The following TM6SF2 variants were observed in gnomAD, a reference collection of about 807,000 sequenced individuals.
TM6SF2 encodes transmembrane 6 superfamily member 2.
In TM6SF2, 29 loss-of-function variants were observed where a neutral mutation model predicts 41.0. That is an observed-to-expected ratio of 0.71 (90% CI 0.53 to 0.96). The LOEUF is 0.96. TM6SF2 is among the 50% of genes least tolerant of loss of function. TM6SF2 has a pLI of 0.00. For missense variants in TM6SF2, 475 were observed against 499.0 expected, an observed-to-expected ratio of 0.95 and a Z score of 0.46; for synonymous variants, 200 against 209.1, an observed-to-expected ratio of 0.96 and a Z score of 0.37.
At chr19:19,270,131 C>A in intron 4 of TM6SF2, 42 bp downstream of exon 4, 1 of 1,611,780 alleles carries the variant, frequency 6.2e-7, no homozygotes, top group South Asian at 1.1e-5. Context: ...GATGCAACTT[C>A]TCTCCCAGGG....
At chr19:19,271,767 G>A (rs1341009806) in intron 1 of TM6SF2, among the ~76,000 whole-genome samples, 1 of 152,124 alleles carries the variant, frequency 6.6e-6, no homozygotes, top group Non-Finnish European at 1.5e-5. Context: ...CTGACCTCAG[G>A]TGATTTGCCC....
chr19:19,270,427 G>GCGAAGA lies in TM6SF2; in HGVS notation c.209_214dup (p.Val70_Phe71dup). ...GATGAGGTCCACAACCGAGGTGAAG[G>GCGAAGA]CGAAGACAGCGAAGACTGCAGTGAG... is the stretch of plus-strand genomic sequence containing the variant. On this transcript the variant is annotated inframe_insertion, in exon 3 of 10. Coordinates refer to ENST00000389363, the MANE Select transcript of TM6SF2 (RefSeq NM_001001524.3). 1 of 1,610,774 alleles carries GCGAAGA rather than the reference G, an allele frequency of 6.2e-7. No individual in the cohort carries two copies. Among genetic ancestry groups the GCGAAGA allele is most frequent in the Non-Finnish European group, 8.5e-7 (1 of 1,178,766 alleles).
At position 19,267,620 on chromosome 19, in the gene TM6SF2, C is replaced by T. The variant is rs753819682; in HGVS notation, c.804+1G>A. The T allele has an allele frequency of 1.2e-6, 2 of 1,612,638 alleles. No individual in the cohort carries two copies. Among genetic ancestry groups the T allele is most frequent in the Admixed American group, 3.3e-5 (2 of 59,892 alleles). ...TGGTCTTCTCCCCGCTCCCCTCTCACCTGCACCTTAGGGTAGGCCACAGGG... is the reference window on the plus strand; with the variant it reads ...TGGTCTTCTCCCCGCTCCCCTCTCATCTGCACCTTAGGGTAGGCCACAGGG... On this transcript the variant is annotated splice_donor_variant, in intron 8 of 9. Transcript: ENST00000389363. LOFTEE classifies it high-confidence loss of function.
intron 9 of TM6SF2, among the ~76,000 whole-genome samples, chr19:19,265,192 G>A (rs1021515202): frequency 1.3e-5 from 2 of 151,756 alleles, no homozygotes; most frequent in African/African-American, 2.4e-5. Flanking sequence ...GACTACAGGC[G>A]TGCACCTCTA....
intron 9 of TM6SF2, among the ~76,000 whole-genome samples, chr19:19,265,664 C>T (rs992854512): frequency 2.0e-5 from 3 of 152,158 alleles, no homozygotes; most frequent in African/African-American, 4.8e-5. Context: ...AGCAGCCCTC[C>T]CACCTCGGCC....
At chr19:19,270,946 C>T (rs2074303) in intron 2 of TM6SF2, 76 bp downstream of exon 2, 472,938 of 1,298,420 alleles carry the variant, frequency 0.36, 89,948 homozygotes, top group African/African-American at 0.63. Flanking sequence ...GAGGAGGCCC[C>T]TTAATGGCCC....
chr19:19,268,337 C>T (rs2061011045), intron 6 of TM6SF2, among the ~76,000 whole-genome samples: 1 of 151,754 alleles, frequency 6.6e-6, no homozygotes, highest in South Asian at 2.1e-4. Context: ...TCCCGAATAG[C>T]TGGGACCACA....
rs1314302632 is a variant in TM6SF2 at position 19,270,461 on chromosome 19, C to A, written c.200-19G>T. On this transcript the variant is annotated intron_variant, in intron 2 of 9. Coordinates refer to ENST00000389363, the MANE Select transcript of TM6SF2 (RefSeq NM_001001524.3). ...GCGAAGACTGCAGTGAGTGGGCGGG[C>A]CGGGTCAGGTGTGGGAGGGGACACG... 2 of 1,596,526 alleles carry A rather than the reference C, an allele frequency of 1.3e-6. No individual in the cohort carries two copies. The highest frequency in any genetic ancestry group is 1.7e-6 in the Non-Finnish European group (2 of 1,172,134).
In TM6SF2 at chr19:19,266,482, C is replaced by T. The variant is rs755279648; in HGVS notation, c.924+8G>A. ...CATGCCTGCTCACCCACCCATCCGC[C>T]ACCTCACCTGGCCGATGCCTCCAGC... On this transcript the variant is annotated splice_region_variant and intron_variant, in intron 9 of 9. Transcript: ENST00000389363. The T allele has an allele frequency of 1.2e-6, 2 of 1,613,728 alleles. No homozygotes were observed. The highest frequency in any genetic ancestry group is 1.7e-6 in the Non-Finnish European group (2 of 1,179,814).
At chr19:19,270,140 G>C (rs1216124078) in intron 4 of TM6SF2, 33 bp downstream of exon 4, 1 of 1,612,754 alleles carries the variant, frequency 6.2e-7, no homozygotes, top group African/African-American at 1.3e-5. Context: ...TCTCTCCCAG[G>C]GTCAGGGGCC....
At chr19:19,270,537 G>T in intron 2 of TM6SF2, 95 bp from the exon 3 acceptor site, 1 of 1,445,370 alleles carries the variant, frequency 6.9e-7, no homozygotes, top group Non-Finnish European at 9.3e-7. Flanking sequence ...TTAAGGTCAG[G>T]GATGAGATTA....
At position 19,269,688 on chromosome 19, in the gene TM6SF2, A is replaced by G; in HGVS notation, c.483T>C (p.Leu161=). 3 of 1,614,138 alleles carry G rather than the reference A, an allele frequency of 1.9e-6. No individual in the cohort carries two copies. Among genetic ancestry groups the G allele is most frequent in the Non-Finnish European group, 1.7e-6 (2 of 1,180,004 alleles). ...SILVFLTGNI[L]GKYSSEIRPA... is the part of the protein sequence containing the mutation. ...GATTTCCCAAAGCCTTGTCCTTACCAAGAATGTTTCCTGTAAGGAACACCA... is the reference window on the plus strand; with the variant it reads ...GATTTCCCAAAGCCTTGTCCTTACCGAGAATGTTTCCTGTAAGGAACACCA... The change falls in exon 5 of 10, where the codon CTT becomes CTC. Residue 161 remains leucine (L), a splice_region_variant and synonymous_variant. Coordinates refer to ENST00000389363, the MANE Select transcript of TM6SF2 (RefSeq NM_001001524.3).
chr19:19,269,866 G>C (rs1359638704), intron 4 of TM6SF2, 97 bp from the exon 5 acceptor site: 3 of 1,593,014 alleles, frequency 1.9e-6, no homozygotes, highest in Admixed American at 3.5e-5. Context: ...CCCAGCTCCG[G>C]GTCCCTTTCA....
chr19:19,268,127 C>T (rs1219957648), intron 6 of TM6SF2, 40 bp from the exon 7 acceptor site: 1 of 1,441,088 alleles, frequency 6.9e-7, no homozygotes, highest in East Asian at 2.3e-5. Flanking sequence ...GAGAGGTAGT[C>T]AATGACAAGT....
In TM6SF2 at chr19:19,270,437, C is replaced by G. The variant is rs202115762; in HGVS notation, c.205G>C (p.Ala69Pro). 6.2e-7 allele frequency: 1 copy of G among 1,608,484 alleles called. No homozygotes were observed. Among genetic ancestry groups the G allele is most frequent in the South Asian group, 1.1e-5 (1 of 90,378 alleles). The change falls in exon 3 of 10, where the codon GCT becomes CCT. Residue 69 changes from alanine to proline, a missense_variant. Transcript: ENST00000389363. Reference protein sequence around the residue: ...VSYDPLYAVFAVFAFTSVVDL... With the variant: ...VSYDPLYAVFPVFAFTSVVDL... ...ACAACCGAGGTGAAGGCGAAGACAG[C>G]GAAGACTGCAGTGAGTGGGCGGGCC...
At chr19:19,267,935 G>C in intron 7 of TM6SF2, 51 bp downstream of exon 7, 1 of 1,421,114 alleles carries the variant, frequency 7.0e-7, no homozygotes, top group Non-Finnish European at 9.9e-7. Context: ...GGTGGGTCAG[G>C]GAAGGGAGAC....
chr19:19,270,560 A>C (rs2061020104), intron 2 of TM6SF2, 118 bp from the exon 3 acceptor site: 6 of 1,277,570 alleles, frequency 4.7e-6, no homozygotes, highest in Non-Finnish European at 3.2e-6. Flanking sequence ...CCAGGCAAGG[A>C]CTCCAGGCCC....
At position 19,266,570 on chromosome 19, in the gene TM6SF2, GGCCGC is replaced by G. The variant is rs1960141229; in HGVS notation, c.839_843del (p.Cys280SerfsTer49). On this transcript the variant is annotated frameshift_variant, in exon 9 of 10. Transcript: ENST00000389363. LOFTEE classifies it high-confidence loss of function. The stretch of plus-strand genomic sequence containing the variant: ...GGGAAGGTGAGAGCATAGGCAGCCA[GGCCGC>G]AGAAAGGCAGGACATAAAACATGTA... The G allele has an allele frequency of 6.2e-7, 1 of 1,613,888 alleles. No homozygotes were observed. Among genetic ancestry groups the G allele is most frequent in the East Asian group, 2.2e-5 (1 of 44,888 alleles).
intron 7 of TM6SF2, 67 bp from the exon 8 acceptor site, chr19:19,267,780 C>A: frequency 6.9e-7 from 1 of 1,458,496 alleles, no homozygotes; most frequent in South Asian, 1.2e-5. Context: ...CCCACCCTCC[C>A]AGGCCCACAC....
Sources: allele counts gnomAD v4.1 joint callset (sites outside exome capture counted in the v4.1 genomes callset), GRCh38; gene constraint gnomAD v4.1.1; transcripts MANE v1.5; gene names NCBI Gene and HGNC (gene_info 2026-07-23, HGNC 2026-07-21).